L3MBTL3: variants seen among roughly 807,000 people sequenced by gnomAD.
L3MBTL3 encodes the protein lethal(3)malignant brain tumor-like protein 3.
Under a neutral mutation model 102.3 loss-of-function variants are expected in L3MBTL3, and 27 were observed. The observed-to-expected ratio is 0.26, with a 90% confidence interval of 0.19 to 0.36. The LOEUF (loss-of-function observed/expected upper bound fraction) is 0.36, where lower values mean the gene tolerates loss of function less well. L3MBTL3 is among the 10% of genes least tolerant of loss of function. The pLI, the probability that L3MBTL3 is intolerant of heterozygous loss-of-function variation, is 1.00. For missense variants in L3MBTL3, 798 were observed against 955.3 expected, an observed-to-expected ratio of 0.84 and a Z score of 2.17; for synonymous variants, 340 against 320.9, an observed-to-expected ratio of 1.06 and a Z score of -0.64.
At chr6:130,021,816 C>G (rs1372101512) in intron 1 of L3MBTL3, among the ~76,000 whole-genome samples, 3 of 152,084 alleles carry the variant, frequency 2.0e-5, no homozygotes, top group African/African-American at 7.2e-5. Flanking sequence ...TTTCTGAATA[C>G]TTGTATAATT....
At position 130,133,687 on chromosome 6, in the gene L3MBTL3, A is replaced by AT; in HGVS notation, c.2136+68dup. The AT allele has an allele frequency of 1.8e-5, 28 of 1,580,634 alleles. No individual in the cohort carries two copies. The highest frequency in any genetic ancestry group is 2.4e-5 in the Non-Finnish European group (28 of 1,157,274). ...ATTACTGGCTTAAGAGGTGTGGAAC[A>AT]TTGAGCGTAGGTAGCGTTTAGTCTT... On this transcript the variant is annotated intron_variant, in intron 21 of 22. Transcript: ENST00000361794. The surrounding 1 kb of genome is among the most constrained non-coding windows in gnomAD (Gnocchi z 4.9).
intron 12 of L3MBTL3, 136 bp downstream of exon 12, chr6:130,068,557 A>T (rs976428780): frequency 5.6e-6 from 3 of 531,626 alleles, no homozygotes; most frequent in Non-Finnish European, 1.0e-5. Flanking sequence ...ATCTTAATTA[A>T]AGTTTAAAAT....
chr6:130,055,045 C>T (rs1781375371), intron 7 of L3MBTL3, 126 bp from the exon 8 acceptor site: 1 of 723,662 alleles, frequency 1.4e-6, no homozygotes, highest in African/African-American at 1.8e-5. Flanking sequence ...TCTTACTTTC[C>T]TTAAAAGTTA....
chr6:130,121,263 T>G (rs1786166402), intron 20 of L3MBTL3, among the ~76,000 whole-genome samples: 1 of 152,126 alleles, frequency 6.6e-6, no homozygotes, highest in Non-Finnish European at 1.5e-5. Flanking sequence ...TGTCTGTCCT[T>G]TCCTTCTTCG....
chr6:130,139,476 C>T lies in L3MBTL3; in HGVS notation c.2200-134C>T. ...GAAAGGTCCATATATCAAGAAATGT[C>T]ATTGCACACGTGAACTTCTCTGTGC... On this transcript the variant is annotated intron_variant, in intron 22 of 22. Transcript: ENST00000361794. 6.7e-6 allele frequency: 5 copies of T among 749,886 alleles called. No homozygotes were observed. In the South Asian group the frequency reaches 8.7e-5, roughly 13 times the overall value. The allele number at this position is 749,886 out of a possible 1,614,324, so 46.5% of individuals were successfully genotyped here.
rs553343358 is a variant in L3MBTL3 at position 130,139,784 on chromosome 6, C to T, written c.*31C>T. The T allele has an allele frequency of 1.0e-5, 16 of 1,604,706 alleles. No homozygotes were observed. The African/African-American group carries it at 2.0e-4, about 20-fold the overall frequency. On this transcript the variant is annotated 3_prime_UTR_variant, in exon 23 of 23. Transcript: ENST00000361794. ...GTGAATTCTGAATACCATCAGCATT[C>T]TGCTTTAAAGCTCATGTTTTATTCA...
intron 19 of L3MBTL3, among the ~76,000 whole-genome samples, chr6:130,110,856 A>T (rs941460600): frequency 4.6e-5 from 7 of 152,154 alleles, no homozygotes; most frequent in African/African-American, 1.4e-4. Context: ...TATTATTTTG[A>T]GATATGTTCC....
intron 2 of L3MBTL3, among the ~76,000 whole-genome samples, chr6:130,038,196 A>G (rs1400330513): frequency 6.6e-6 from 1 of 152,118 alleles, no homozygotes. Context: ...GGTTGATTCC[A>G]TATCTTGGCT....
chr6:130,067,943 A>G (rs1285819145), intron 11 of L3MBTL3, among the ~76,000 whole-genome samples: 1 of 152,126 alleles, frequency 6.6e-6, no homozygotes, highest in African/African-American at 2.4e-5. Context: ...ACTTGTTCCT[A>G]TAAGTTAGTC....
chr6:130,096,525 C>T (rs146033671), intron 18 of L3MBTL3, among the ~76,000 whole-genome samples: 295 of 152,262 alleles, frequency 1.9e-3, no homozygotes, highest in Middle Eastern at 0.014. Flanking sequence ...AAGGAAGACA[C>T]ACCTTATGGC....
At chr6:130,051,704 T>G (rs1781103104) in intron 6 of L3MBTL3, among the ~76,000 whole-genome samples, 1 of 152,216 alleles carries the variant, frequency 6.6e-6, no homozygotes, top group Non-Finnish European at 1.5e-5. Flanking sequence ...TTTAGTTTTT[T>G]CTGGGCTATA....
intron 20 of L3MBTL3, among the ~76,000 whole-genome samples, chr6:130,126,807 T>C (rs192897075): frequency 6.6e-6 from 1 of 152,034 alleles, no homozygotes; most frequent in Admixed American, 6.6e-5. Context: ...TGACTGACAA[T>C]AGATTAATAG....
At chr6:130,045,073 C>G (rs4551191) in intron 3 of L3MBTL3, among the ~76,000 whole-genome samples, 81,685 of 152,028 alleles carry the variant, frequency 0.54, 25,393 homozygotes, top group East Asian at 0.76. Context: ...TTTGAAATAA[C>G]TTTTCCTGTA....
Position 130,094,359 on chromosome 6 carries a change from C to T in L3MBTL3, c.1728C>T (p.Gly576=). ...IGHFKRARHL[G]PHSAANCPYS... ...ATTTCAAGAGAGCGAGACATCTGGG[C>T]CCTCACAGGTATGTGGTAGCTGTCA... The change falls in exon 18 of 23, where the codon GGC becomes GGT. Residue 576 remains glycine, a synonymous_variant. Coordinates refer to ENST00000361794, the MANE Select transcript of L3MBTL3 (RefSeq NM_032438.4). The T allele has an allele frequency of 6.2e-7, 1 of 1,612,370 alleles. No homozygotes were observed. Among genetic ancestry groups the T allele is most frequent in the Non-Finnish European group, 8.5e-7 (1 of 1,178,646 alleles).
At chr6:130,094,897 A>G (rs1784271178) in intron 18 of L3MBTL3, among the ~76,000 whole-genome samples, 1 of 152,178 alleles carries the variant, frequency 6.6e-6, no homozygotes, top group African/African-American at 2.4e-5. Flanking sequence ...TGCATTTGAA[A>G]TGTGATGTAT....
chr6:130,109,187 A>G (rs1785192135), intron 19 of L3MBTL3, among the ~76,000 whole-genome samples: 1 of 152,176 alleles, frequency 6.6e-6, no homozygotes, highest in South Asian at 2.1e-4. Context: ...GTGTCTTTAT[A>G]GTAGCATGAT....
chr6:130,122,697 A>C (rs1404583014), intron 20 of L3MBTL3, among the ~76,000 whole-genome samples: 1 of 152,248 alleles, frequency 6.6e-6, no homozygotes, highest in Non-Finnish European at 1.5e-5. Context: ...TTGAATTCTT[A>C]GACAAAAGCT....
Position 130,104,832 on chromosome 6 carries a change from G to A in L3MBTL3, c.1886+257G>A, listed in dbSNP as rs1248682395. ...TTTTTTTAATTTGCTTGGTGTTAGA[G>A]GTAGGAATTTGGAAATTCCAGTCAT... On this transcript the variant is annotated intron_variant, in intron 19 of 22. Coordinates refer to ENST00000361794, the MANE Select transcript of L3MBTL3 (RefSeq NM_032438.4). Among the ~76,000 whole-genome samples the A allele has an allele frequency of 5.3e-5, 8 of 151,206 alleles. No individual in the cohort carries two copies. In the East Asian group the frequency reaches 1.4e-3, roughly 26 times the overall value.
At chr6:130,131,831 C>G (rs1787078803) in intron 20 of L3MBTL3, among the ~76,000 whole-genome samples, 1 of 152,166 alleles carries the variant, frequency 6.6e-6, no homozygotes, top group Admixed American at 6.5e-5. Context: ...CCAGAGGTCA[C>G]TTGGTTTTGG....
Sources: gnomAD v4.1 joint callset for allele counts (sites outside exome capture counted in the v4.1 genomes callset) on GRCh38, gnomAD v4.1.1 for gene constraint, Gnocchi (gnomAD v3.1) non-coding constraint, MANE v1.5 for transcripts, NCBI Gene and HGNC (gene_info 2026-07-23, HGNC 2026-07-21) for gene names.